The following MCTP1 variants were observed in gnomAD, a reference collection of about 807,000 sequenced individuals.
MCTP1 encodes the protein multiple C2 and transmembrane domain-containing protein 1.
In MCTP1, 69 loss-of-function variants were observed where a neutral mutation model predicts 120.6. The observed-to-expected ratio is 0.57, with a 90% CI of 0.47 to 0.70. The LOEUF (loss-of-function observed/expected upper bound fraction) is 0.70, where lower values mean the gene tolerates loss of function less well. Ranked by LOEUF, MCTP1 falls within the 30% of genes least tolerant of loss-of-function variation. MCTP1 has a pLI of 0.00. For synonymous variants in MCTP1, 529 were observed against 493.1 expected (o/e 1.07, Z -0.96); for missense variants, 1,203 against 1,248.8 (o/e 0.96, Z 0.55).
intron 17 of MCTP1, among the ~76,000 whole-genome samples, chr5:94,814,914 T>A (rs1275126367): frequency 6.6e-6 from 1 of 152,200 alleles, no homozygotes; most frequent in African/African-American, 2.4e-5. Flanking sequence ...TCTTTTAATT[T>A]GGGCCTAGAG....
intron 19 of MCTP1, among the ~76,000 whole-genome samples, chr5:94,756,070 A>G (rs1366671460): frequency 1.3e-5 from 2 of 152,178 alleles, no homozygotes; most frequent in Non-Finnish European, 2.9e-5. Flanking sequence ...AACAATAACA[A>G]TATTATTACT....
chr5:94,796,881 G>A (rs1177418163), intron 18 of MCTP1, among the ~76,000 whole-genome samples: 1 of 151,752 alleles, frequency 6.6e-6, no homozygotes, highest in Non-Finnish European at 1.5e-5. Flanking sequence ...GTGGATCTGT[G>A]TGTTTTGGGC....
chr5:94,941,045 A>G (rs549003374), intron 4 of MCTP1, among the ~76,000 whole-genome samples: 1 of 152,166 alleles, frequency 6.6e-6, no homozygotes, highest in African/African-American at 2.4e-5. Context: ...ATGCTCATGT[A>G]TAAATAATCT....
chr5:95,094,714 C>A (rs1426732213), intron 1 of MCTP1, among the ~76,000 whole-genome samples: 1 of 152,064 alleles, frequency 6.6e-6, no homozygotes, highest in Non-Finnish European at 1.5e-5. Flanking sequence ...TGATAAATAC[C>A]AAACTATAAA....
At position 95,081,683 on chromosome 5, in the gene MCTP1, C is replaced by T. The variant is rs560014345; in HGVS notation, c.721-64199G>A. The T allele has an allele frequency of 3.1e-6, 4 of 1,308,328 alleles. No homozygotes were observed. In the African/African-American group the frequency reaches 5.9e-5, roughly 19 times the overall value. 81.0% of individuals were successfully genotyped at this position (1,308,328 alleles called of 1,614,324 possible). A position where few individuals can be genotyped will look rare whatever the true frequency, so the allele number is the denominator to read the frequency against. ...AACCCGTGATGTTTAAATAACGTAG[C>T]TTTAGATTCACAGGATATGACTCAA... On this transcript the variant is annotated intron_variant, in intron 1 of 22. Transcript: ENST00000515393.
chr5:95,091,723 C>T (rs767212623), intron 1 of MCTP1, among the ~76,000 whole-genome samples: 1 of 152,164 alleles, frequency 6.6e-6, no homozygotes, highest in African/African-American at 2.4e-5. Context: ...AGGACATTGA[C>T]CAGAATCTTC....
At chr5:95,117,148 T>G (rs1271251645) in intron 1 of MCTP1, among the ~76,000 whole-genome samples, 2 of 152,010 alleles carry the variant, frequency 1.3e-5, no homozygotes, top group African/African-American at 2.4e-5. Context: ...AAAAGCTCTT[T>G]GGGAGGCCAA....
chr5:95,098,804 A>G (rs1756476853), intron 1 of MCTP1, among the ~76,000 whole-genome samples: 1 of 151,918 alleles, frequency 6.6e-6, no homozygotes, highest in Admixed American at 6.6e-5. Flanking sequence ...AAAAGAGCCC[A>G]CATTGCCAAG....
At chr5:95,064,933 A>AT (rs914570705) in intron 1 of MCTP1, among the ~76,000 whole-genome samples, 3 of 152,168 alleles carry the variant, frequency 2.0e-5, no homozygotes, top group African/African-American at 7.2e-5. Context: ...GAAGAGTTCT[A>AT]TTTTTTCCAC....
intron 17 of MCTP1, among the ~76,000 whole-genome samples, chr5:94,864,274 A>G (rs1796377897): frequency 6.6e-6 from 1 of 151,916 alleles, no homozygotes; most frequent in East Asian, 1.9e-4. Context: ...CGTTTTTGGA[A>G]CACAAGGTAC....
chr5:94,776,862 A>G (rs1775463516), intron 19 of MCTP1, among the ~76,000 whole-genome samples: 2 of 152,180 alleles, frequency 1.3e-5, no homozygotes, highest in Non-Finnish European at 1.5e-5. Context: ...CCGCTGTGAA[A>G]GCCTGTCGAG....
intron 19 of MCTP1, among the ~76,000 whole-genome samples, chr5:94,742,747 C>T (rs889608462): frequency 6.6e-6 from 1 of 151,846 alleles, no homozygotes; most frequent in Non-Finnish European, 1.5e-5. Flanking sequence ...CTATCAAAAC[C>T]ACTGATTAAC....
At chr5:95,121,277 CAAAAAAAAAAA>C (rs34423597) in intron 1 of MCTP1, among the ~76,000 whole-genome samples, 5 of 35,066 alleles carry the variant, frequency 1.4e-4, no homozygotes, top group Admixed American at 4.3e-4. Flanking sequence ...GACTCCATCA[CAAAAAAAAAAA>C]AAAAAAAAAA....
intron 1 of MCTP1, among the ~76,000 whole-genome samples, chr5:95,083,891 C>G (rs1041930065): frequency 1.3e-5 from 2 of 152,108 alleles, no homozygotes; most frequent in Admixed American, 1.3e-4. Context: ...GTTAATCATA[C>G]TAAGGAATAC....
intron 1 of MCTP1, among the ~76,000 whole-genome samples, chr5:95,157,639 T>C (rs532598909): frequency 6.6e-6 from 1 of 152,306 alleles, no homozygotes; most frequent in South Asian, 2.1e-4. Flanking sequence ...TTAAAAATAC[T>C]GGGAAAAAAT....
chr5:94,754,590 AAAG>A (rs770026683), intron 19 of MCTP1, among the ~76,000 whole-genome samples: 16 of 152,330 alleles, frequency 1.1e-4, no homozygotes, highest in Non-Finnish European at 2.2e-4. Context: ...GTAAAAAGTT[AAAG>A]AAGATGGAGG....
intron 12 of MCTP1, among the ~76,000 whole-genome samples, chr5:94,873,970 C>T (rs867992307): frequency 1.3e-5 from 2 of 151,822 alleles, no homozygotes; most frequent in South Asian, 2.1e-4. Flanking sequence ...CTCATCCTTT[C>T]GGCAATTACA....
At chr5:94,853,876 A>T (rs150976227) in intron 17 of MCTP1, among the ~76,000 whole-genome samples, 1 of 151,902 alleles carries the variant, frequency 6.6e-6, no homozygotes, top group Non-Finnish European at 1.5e-5. Flanking sequence ...TGGATAACAG[A>T]TATGATCATC....
At chr5:95,092,811 T>C (rs1174175884) in intron 1 of MCTP1, among the ~76,000 whole-genome samples, 2 of 152,204 alleles carry the variant, frequency 1.3e-5, no homozygotes, top group African/African-American at 4.8e-5. Flanking sequence ...ATAATATCCT[T>C]TACTAAAGTT....
Sources: allele counts gnomAD v4.1 joint callset (sites outside exome capture counted in the v4.1 genomes callset), GRCh38; gene constraint gnomAD v4.1.1; transcripts MANE v1.5; gene names NCBI Gene and HGNC (gene_info 2026-07-23, HGNC 2026-07-21).